The following NLE1 variants were observed in gnomAD, a reference collection of about 807,000 sequenced individuals.
NLE1 encodes the protein notchless homolog 1.
NLE1 carries 37 observed loss-of-function variants against 62.8 expected under a neutral mutation model. That is an observed-to-expected ratio of 0.59 (90% CI 0.45 to 0.78). The LOEUF is 0.78. Ranked by LOEUF, NLE1 falls within the 30% of genes least tolerant of loss-of-function variation. NLE1 has a pLI of 0.00. For synonymous variants in NLE1, 243 were observed against 253.0 expected (o/e 0.96, Z 0.37); for missense variants, 555 against 637.9 (o/e 0.87, Z 1.40).
Position 35,133,435 on chromosome 17 carries a change from A to C in NLE1, c.1278T>G (p.Ser426Arg), listed in dbSNP as rs1409016848. 6.2e-7 allele frequency: 1 copy of C among 1,614,108 alleles called. No homozygotes were observed. ...AVYQIAWSAD[S>R]RLLVSGSSDS... Reference sequence around the variant, plus strand: ...CACTGCTGCCGCTGACCAGGAGCCGACTGTCAGCTGACCACGCAATCTGGT... The same window carrying C: ...CACTGCTGCCGCTGACCAGGAGCCGCCTGTCAGCTGACCACGCAATCTGGT... The change falls in exon 11 of 13, where the codon AGT (serine) becomes AGG (arginine). Residue 426 changes from serine to arginine, a missense_variant. Transcript: ENST00000442241.
rs948337140 is a variant in NLE1 at position 35,130,171 on chromosome 17, C to A, written c.*2266G>T. On this transcript the variant is annotated 3_prime_UTR_variant, in exon 13 of 13. Transcript: ENST00000442241. ...GCGTCAATGGCTAGGTTGGATAAGG[C>A]TGTTTAAGGTCTGAGTCAGCAGACA... 4.0e-6 allele frequency: 6 copies of A among 1,488,200 alleles called. No individual in the cohort carries two copies. The Admixed American group carries it at 1.4e-4, about 36-fold the overall frequency. The allele number at this position is 1,488,200 out of a possible 1,614,324, so 92.2% of individuals were successfully genotyped here. A position where few individuals can be genotyped will look rare whatever the true frequency, so the allele number is the denominator to read the frequency against.
In NLE1 at chr17:35,139,948, G is replaced by A; in HGVS notation, c.281C>T (p.Pro94Leu). Residue 94 changes from proline to leucine, a missense_variant, in exon 3 of 13, where the codon CCA becomes CTA. Pro to Leu is a moderately conservative substitution (Grantham distance 98). Coordinates refer to ENST00000442241, the MANE Select transcript of NLE1 (RefSeq NM_018096.5). ...AGCCCGGACTCTGAAGATAGCCTGT[G>A]GCTGGTAGATGATGTCTAGGACCTT... is the stretch of plus-strand genomic sequence containing the variant. Reference protein sequence around the residue: ...TEKVLDIIYQPQAIFRVRAVT... With the variant: ...TEKVLDIIYQLQAIFRVRAVT... The A allele has an allele frequency of 6.2e-7, 1 of 1,614,192 alleles. No individual in the cohort carries two copies. Among genetic ancestry groups the A allele is most frequent in the Non-Finnish European group, 8.5e-7 (1 of 1,180,048 alleles).
intron 4 of NLE1, among the ~76,000 whole-genome samples, chr17:35,138,372 T>A (rs1247402773): frequency 6.6e-6 from 1 of 152,182 alleles, no homozygotes; most frequent in Non-Finnish European, 1.5e-5. Flanking sequence ...TCCCAGGCCC[T>A]ACCCCAGGCC....
chr17:35,129,995 A>C lies in NLE1; in HGVS notation c.*2442T>G. On this transcript the variant is annotated 3_prime_UTR_variant, in exon 13 of 13. Transcript: ENST00000442241. The stretch of plus-strand genomic sequence containing the variant: ...GGCATTGAAAGAAATAGGGAAGACA[A>C]GAGGCTAAAGGGGGACGAAGAAGGG... The C allele has an allele frequency of 7.3e-7, 1 of 1,377,434 alleles. No homozygotes were observed. The highest frequency in any genetic ancestry group is 9.4e-7 in the Non-Finnish European group (1 of 1,066,962). The allele number at this position is 1,377,434 out of a possible 1,614,324, so 85.3% of individuals were successfully genotyped here.
Position 35,130,015 on chromosome 17 carries a change from G to A in NLE1, c.*2422C>T, listed in dbSNP as rs2091866789. The A allele has an allele frequency of 7.2e-7, 1 of 1,384,850 alleles. No individual in the cohort carries two copies. The highest frequency in any genetic ancestry group is 9.3e-7 in the Non-Finnish European group (1 of 1,071,812). 85.8% of individuals were successfully genotyped at this position (1,384,850 alleles called of 1,614,324 possible). A position where few individuals can be genotyped will look rare whatever the true frequency, so the allele number is the denominator to read the frequency against. ...AGACAAGAGGCTAAAGGGGGACGAA[G>A]AAGGGAACAGCCTGGGTATGGGGTA... On this transcript the variant is annotated 3_prime_UTR_variant, in exon 13 of 13. Transcript: ENST00000442241.
chr17:35,129,164 T>A lies in NLE1; in HGVS notation c.*3273A>T. The A allele has an allele frequency of 2.3e-6, 1 of 425,978 alleles. No homozygotes were observed. Among genetic ancestry groups the A allele is most frequent in the Non-Finnish European group, 4.3e-6 (1 of 230,540 alleles). The allele number at this position is 425,978 out of a possible 1,614,324, so 26.4% of individuals were successfully genotyped here. A position where few individuals can be genotyped will look rare whatever the true frequency, so the allele number is the denominator to read the frequency against. ...TGCTATCAGTTGGTGGCCCAAGGGT[T>A]GAGGACCCCTGGCGTATAAGAAATA... is the stretch of plus-strand genomic sequence containing the variant. On this transcript the variant is annotated 3_prime_UTR_variant, in exon 13 of 13. Transcript: ENST00000442241.
Position 35,132,397 on chromosome 17 carries a change from G to A in NLE1, c.*40C>T. On this transcript the variant is annotated 3_prime_UTR_variant, in exon 13 of 13. Transcript: ENST00000442241. ...CTGGCAGGGAAGGCAGCTGGCAGAG[G>A]CCGAGTCGAGGTGGGGGTCAGAGAG... 6.9e-7 allele frequency: 1 copy of A among 1,439,056 alleles called. No homozygotes were observed. Among genetic ancestry groups the A allele is most frequent in the Non-Finnish European group, 9.2e-7 (1 of 1,090,662 alleles). The allele number at this position is 1,439,056 out of a possible 1,614,324, so 89.1% of individuals were successfully genotyped here.
In NLE1 at chr17:35,139,307, C is replaced by T. The variant is rs2091928502; in HGVS notation, c.388G>A (p.Ala130Thr). The change falls in exon 4 of 13, where the codon GCC (alanine) becomes ACC (threonine). Residue 130 changes from alanine (A) to threonine (T), a missense_variant. Ala to Thr is a moderately conservative substitution (Grantham distance 58). Transcript: ENST00000442241. ...ACGGTGGTGTCTCCAGAGCCACTGGCCAGGTACCTGGGGAAGAAGAGAGGA... is the reference window on the plus strand; with the variant it reads ...ACGGTGGTGTCTCCAGAGCCACTGGTCAGGTACCTGGGGAAGAAGAGAGGA... The part of the protein sequence containing the change: ...VAFSPTGKYL[A>T]SGSGDTTVRF... 1 of 1,613,700 alleles carries T rather than the reference C, an allele frequency of 6.2e-7. No homozygotes were observed. The highest frequency in any genetic ancestry group is 8.5e-7 in the Non-Finnish European group (1 of 1,179,792).
rs1423622351 is a variant in NLE1 at position 35,137,000 on chromosome 17, C to G, written c.828+1G>C. On this transcript the variant is annotated splice_donor_variant, in intron 7 of 12. Transcript: ENST00000442241. LOFTEE classifies it high-confidence loss of function. ...GGTTTCTGAACCCTCCCAGCACTTA[C>G]GTCATGAGCTCTCCAGACTTTGATG... The G allele has an allele frequency of 1.9e-6, 3 of 1,593,798 alleles. No homozygotes were observed. In the African/African-American group the frequency reaches 4.0e-5, roughly 21 times the overall value.
intron 10 of NLE1, chr17:35,134,955 G>A (rs1291715451): frequency 2.1e-6 from 1 of 479,982 alleles, no homozygotes; most frequent in East Asian, 5.6e-5. Context: ...GGGAGGCTGA[G>A]GCAGGAGAAT....
chr17:35,135,511 C>T (rs923149441), intron 9 of NLE1, 60 bp from the exon 10 acceptor site: 25 of 1,505,200 alleles, frequency 1.7e-5, no homozygotes, highest in Middle Eastern at 1.9e-4. Context: ...GAGGAGGGCC[C>T]GACTTTGGCA....
intron 12 of NLE1, 87 bp downstream of exon 12, chr17:35,133,084 A>G: frequency 7.5e-7 from 1 of 1,324,976 alleles, no homozygotes. Context: ...GCCCTGCGGA[A>G]TTCTATGCTG....
Position 35,137,654 on chromosome 17 carries a change from G to T in NLE1, c.538-14C>A. 6.2e-7 allele frequency: 1 copy of T among 1,602,648 alleles called. No homozygotes were observed. Among genetic ancestry groups the T allele is most frequent in the African/African-American group, 1.3e-5 (1 of 74,878 alleles). The stretch of plus-strand genomic sequence containing the variant: ...CCAGAGGAGAATCTGAAGGACAGAA[G>T]CTCACTGAATAATCCTCCCCAACAG... On this transcript the variant is annotated splice_polypyrimidine_tract_variant and intron_variant, in intron 5 of 12. Coordinates refer to ENST00000442241, the MANE Select transcript of NLE1 (RefSeq NM_018096.5).
intron 12 of NLE1, 27 bp downstream of exon 12, chr17:35,133,144 G>GC (rs2091887226): frequency 8.7e-6 from 14 of 1,609,218 alleles, no homozygotes; most frequent in African/African-American, 1.3e-5. Context: ...GGCTGTGTAT[G>GC]CCAACCACCA....
In NLE1 at chr17:35,129,949, T is replaced by G; in HGVS notation, c.*2488A>C. The G allele has an allele frequency of 7.3e-7, 1 of 1,368,050 alleles. No individual in the cohort carries two copies. The highest frequency in any genetic ancestry group is 1.7e-5 in the South Asian group (1 of 58,434). 84.7% of individuals were successfully genotyped at this position (1,368,050 alleles called of 1,614,324 possible). A position where few individuals can be genotyped will look rare whatever the true frequency, so the allele number is the denominator to read the frequency against. ...CTCTGCAATTCAGTGCCCATGATTG[T>G]GAGTAGGCTGGGAAGTCAAGGGCAT... On this transcript the variant is annotated 3_prime_UTR_variant, in exon 13 of 13. Coordinates refer to ENST00000442241, the MANE Select transcript of NLE1 (RefSeq NM_018096.5).
chr17:35,132,837 C>T (rs974053267), intron 12 of NLE1, among the ~76,000 whole-genome samples: 3 of 152,218 alleles, frequency 2.0e-5, no homozygotes, highest in Admixed American at 1.3e-4. Flanking sequence ...TCAGGTCTTG[C>T]GACTCTGAAG....
At chr17:35,135,020 C>T (rs778581119) in intron 10 of NLE1, 44 of 627,596 alleles carry the variant, frequency 7.0e-5, no homozygotes, top group South Asian at 1.1e-4. Flanking sequence ...CCGCTGCACT[C>T]GAGCCACTTG....
chr17:35,140,679 C>G (rs916486412), intron 2 of NLE1, among the ~76,000 whole-genome samples: 3 of 150,168 alleles, frequency 2.0e-5, no homozygotes, highest in East Asian at 4.0e-4. Flanking sequence ...CAACCTCTGC[C>G]TCCTGGGTTC....
In NLE1 at chr17:35,129,028, T is replaced by TC; in HGVS notation, c.*3408dup. 1 of 193,314 alleles carries TC rather than the reference T, an allele frequency of 5.2e-6. No individual in the cohort carries two copies. Among genetic ancestry groups the TC allele is most frequent in the Non-Finnish European group, 1.1e-5 (1 of 92,044 alleles). 12.0% of individuals were successfully genotyped at this position (193,314 alleles called of 1,614,324 possible). ...CTGCTGATCTGACAGGAGGCAGAGC[T>TC]CAGGTGGTACCCTGAGCCGTGGGGA... On this transcript the variant is annotated 3_prime_UTR_variant, in exon 13 of 13. Coordinates refer to ENST00000442241, the MANE Select transcript of NLE1 (RefSeq NM_018096.5).
Sources: gnomAD v4.1 joint callset for allele counts (sites outside exome capture counted in the v4.1 genomes callset) on GRCh38, gnomAD v4.1.1 for gene constraint, MANE v1.5 for transcripts, NCBI Gene and HGNC (gene_info 2026-07-23, HGNC 2026-07-21) for gene names.